Variants in PCDHA3 observed in about 807,000 individuals in gnomAD.
PCDHA3 encodes protocadherin alpha-3.
PCDHA3 carries 41 observed loss-of-function variants against 62.2 expected under a neutral mutation model. That is an observed-to-expected ratio of 0.66 (90% CI 0.51 to 0.86). The LOEUF (loss-of-function observed/expected upper bound fraction) is 0.86, where lower values mean the gene tolerates loss of function less well. Ranked by LOEUF, PCDHA3 falls within the 40% of genes least tolerant of loss-of-function variation. The pLI is 0.00. For synonymous variants in PCDHA3, 640 were observed against 555.4 expected (o/e 1.15, Z -2.14); for missense variants, 1,304 against 1,241.2 (o/e 1.05, Z -0.76).
chr5:140,880,978 T>A lies in PCDHA3; in HGVS notation c.2394+77387T>A, dbSNP rs570855539. Among the ~76,000 whole-genome samples the A allele has an allele frequency of 3.6e-4, 55 of 152,312 alleles. No individual in the cohort carries two copies. The South Asian group carries it at 9.1e-3, about 25-fold the overall frequency. On this transcript the variant is annotated intron_variant, in intron 1 of 3. Coordinates refer to ENST00000522353, the MANE Select transcript of PCDHA3 (RefSeq NM_018906.3). ...ATGAGGGTAAGAGAATACCAAATACTCTGCCTAAATTTTCAGAGGAGAGCA... is the reference window on the plus strand; with the variant it reads ...ATGAGGGTAAGAGAATACCAAATACACTGCCTAAATTTTCAGAGGAGAGCA...
chr5:140,967,595 G>A, intron 1 of PCDHA3: 1 of 1,614,168 alleles, frequency 6.2e-7, no homozygotes, highest in Non-Finnish European at 8.5e-7. Context: ...CACATTGGTG[G>A]TGAAGCTGAA....
intron 1 of PCDHA3, chr5:140,804,257 A>G (rs1763365234): frequency 6.6e-6 from 1 of 152,208 alleles, no homozygotes; most frequent in African/African-American, 2.4e-5. Flanking sequence ...ATCGAGAATA[A>G]CAATTGCATT....
chr5:140,980,981 A>G (rs1255751936), intron 2 of PCDHA3, among the ~76,000 whole-genome samples: 1 of 152,188 alleles, frequency 6.6e-6, no homozygotes, highest in Non-Finnish European at 1.5e-5. Context: ...GACTGAGCCC[A>G]CACAATTTGC....
intron 1 of PCDHA3, chr5:140,929,822 A>G (rs1554207413): frequency 1.9e-5 from 3 of 157,286 alleles, no homozygotes; most frequent in African/African-American, 2.4e-5. Flanking sequence ...GAAAGGGAAC[A>G]TAAGAGAACA....
At chr5:140,862,749 G>A (rs993473584) in intron 1 of PCDHA3, 2 of 579,518 alleles carry the variant, frequency 3.5e-6, no homozygotes, top group Non-Finnish European at 6.7e-6. Context: ...GGGTGCACGC[G>A]GAGAGCGGCA....
rs150226999 is a variant in PCDHA3, at chr5:140,970,370, C to T, written c.2395-8579C>T. 2.1e-3 allele frequency among the ~76,000 whole-genome samples: 315 copies of T among 152,234 alleles called. 1 individual carries two copies. The highest frequency in any genetic ancestry group is 7.2e-3 in the African/African-American group (299 of 41,540). On this transcript the variant is annotated intron_variant, in intron 1 of 3. Coordinates refer to ENST00000522353, the MANE Select transcript of PCDHA3 (RefSeq NM_018906.3). ...GGATCTAAAATTTGATTTGCTATAG[C>T]TTCAAAAGGCTGGCTTGGAAAGTGG...
intron 1 of PCDHA3, among the ~76,000 whole-genome samples, chr5:140,893,236 T>C (rs1554185562): frequency 6.6e-6 from 1 of 152,236 alleles, no homozygotes. Flanking sequence ...TTTGACATAC[T>C]GGTTTCCTTT....
chr5:140,829,249 C>T, intron 1 of PCDHA3: 4 of 1,614,262 alleles, frequency 2.5e-6, no homozygotes, highest in Non-Finnish European at 3.4e-6. Context: ...GGCAGGTGAA[C>T]TGCTCGCTGA....
Position 140,803,465 on chromosome 5 carries a change from G to C in PCDHA3, c.2268G>C (p.Gln756His). The C allele has an allele frequency of 1.2e-6, 2 of 1,614,256 alleles. No individual in the cohort carries two copies. The highest frequency in any genetic ancestry group is 1.1e-5 in the South Asian group (1 of 91,084). The part of the protein sequence containing the change: ...GSWSYSQQRQ[Q>H]RVCSGEGLPK... ...GGTCATACTCGCAGCAGAGGCAGCA[G>C]AGGGTGTGCTCTGGAGAGGGGTTGC... Residue 756 changes from glutamine (Q) to histidine (H), a missense_variant, in exon 1 of 4, where the codon CAG (glutamine) becomes CAC (histidine). Transcript: ENST00000522353.
At chr5:140,823,139 C>A (rs1317356250) in intron 1 of PCDHA3, 1 of 1,613,696 alleles carries the variant, frequency 6.2e-7, no homozygotes, top group African/African-American at 1.3e-5. Flanking sequence ...CCGGCGTTCG[C>A]GCAGCCCCAG....
intron 1 of PCDHA3, chr5:140,803,846 C>T (rs559372667): frequency 5.0e-6 from 3 of 598,242 alleles, no homozygotes; most frequent in Non-Finnish European, 8.6e-6. Flanking sequence ...TATTTTATTG[C>T]TAAATGCCTG....
At chr5:140,837,881 G>T (rs1360398902) in intron 1 of PCDHA3, among the ~76,000 whole-genome samples, 2 of 151,490 alleles carry the variant, frequency 1.3e-5, no homozygotes, top group Admixed American at 6.6e-5. Flanking sequence ...GTGGAGTCTT[G>T]TTTCCCAGGC....
intron 1 of PCDHA3, chr5:140,876,140 C>T: frequency 6.2e-7 from 1 of 1,613,944 alleles, no homozygotes; most frequent in East Asian, 2.2e-5. Context: ...CCAGAACTAA[C>T]AGGGTCTGTC....
chr5:140,876,860 T>C (rs2056650252), intron 1 of PCDHA3: 1 of 1,613,918 alleles, frequency 6.2e-7, no homozygotes, highest in African/African-American at 1.3e-5. Context: ...TACACAGTGT[T>C]CGTGAAGGAG....
intron 3 of PCDHA3, among the ~76,000 whole-genome samples, chr5:141,000,533 T>G (rs1554257655): frequency 3.4e-5 from 5 of 147,384 alleles, no homozygotes; most frequent in Admixed American, 1.4e-4. Context: ...GTTCAAGTGA[T>G]TCTCATGCCT....
chr5:140,870,347 AGAACGTGTGGGCCTAT>A (rs782552389), intron 1 of PCDHA3: 3 of 1,614,176 alleles, frequency 1.9e-6, no homozygotes, highest in Non-Finnish European at 2.5e-6. Flanking sequence ...CTGGACCGCG[AGAACGTGTGGGCCTAT>A]GAACTGGTGG....
At chr5:140,836,123 T>C in intron 1 of PCDHA3, 1 of 1,613,656 alleles carries the variant, frequency 6.2e-7, no homozygotes, top group Non-Finnish European at 8.5e-7. Flanking sequence ...TGAGAGAGCT[T>C]GTGCCGCGGT....
chr5:140,807,082 G>A (rs1763843057), intron 1 of PCDHA3: 16 of 1,269,970 alleles, frequency 1.3e-5, no homozygotes, highest in Non-Finnish European at 1.4e-5. Flanking sequence ...ACACTCTTTG[G>A]AGTCTGAAAT....
chr5:140,877,068 G>C (rs1050946101), intron 1 of PCDHA3: 4 of 1,613,122 alleles, frequency 2.5e-6, no homozygotes, highest in Non-Finnish European at 3.4e-6. Context: ...AGCTGCTGCA[G>C]TTCCAGGTGA....
Sources: gnomAD v4.1 joint callset for allele counts (sites outside exome capture counted in the v4.1 genomes callset) on GRCh38, gnomAD v4.1.1 for gene constraint, MANE v1.5 for transcripts, NCBI Gene and HGNC (gene_info 2026-07-23, HGNC 2026-07-21) for gene names.